XKR4: variants seen among roughly 807,000 people sequenced by gnomAD.
XKR4 encodes XK related 4.
In XKR4, 12 loss-of-function variants were observed where a neutral mutation model predicts 53.9. That is an observed-to-expected ratio of 0.22 (90% confidence interval 0.14 to 0.36). XKR4 has a LOEUF of 0.36. Ranked by LOEUF, XKR4 falls within the 10% of genes least tolerant of loss-of-function variation. The pLI, the probability that XKR4 is intolerant of heterozygous loss-of-function variation, is 1.00. For missense variants in XKR4, 799 were observed against 859.5 expected (o/e 0.93, Z 0.88); for synonymous variants, 354 against 362.4 (o/e 0.98, Z 0.26).
chr8:55,449,748 G>A (rs1805402265), intron 2 of XKR4: 1 of 993,500 alleles, frequency 1.0e-6, no homozygotes, highest in Non-Finnish European at 1.6e-6. Context: ...TAGCGTAGCT[G>A]GTGCTTGGTC....
intron 1 of XKR4, among the ~76,000 whole-genome samples, chr8:55,103,851 GTATA>G (rs60831330): frequency 0.15 from 15,721 of 105,518 alleles, 1,452 homozygotes; most frequent in Middle Eastern, 0.19. Context: ...AAATGACTTT[GTATA>G]TATATATATA....
At chr8:55,250,497 A>G (rs1818348969) in intron 1 of XKR4, among the ~76,000 whole-genome samples, 1 of 152,144 alleles carries the variant, frequency 6.6e-6, no homozygotes, top group Admixed American at 6.6e-5. Context: ...GCTTTTCTCT[A>G]AGGGAGCTGG....
chr8:55,152,998 C>G (rs935846118), intron 1 of XKR4, among the ~76,000 whole-genome samples: 5 of 152,128 alleles, frequency 3.3e-5, no homozygotes, highest in African/African-American at 1.2e-4. Context: ...AATGGAGAAG[C>G]ACTAGAGGCC....
chr8:55,433,915 C>A (rs1001245525), intron 2 of XKR4, among the ~76,000 whole-genome samples: 1 of 152,048 alleles, frequency 6.6e-6, no homozygotes, highest in African/African-American at 2.4e-5. Context: ...GCTTGTAGTC[C>A]GAGCTACTCA....
Position 55,537,003 on chromosome 8 carries a change from G to T in XKR4, c.*12776G>T, listed in dbSNP as rs1807040111. The T allele has an allele frequency of 6.6e-6, 1 of 152,142 alleles. No individual in the cohort carries two copies. Among genetic ancestry groups the T allele is most frequent in the African/African-American group, 2.4e-5 (1 of 41,426 alleles). 9.4% of individuals were successfully genotyped at this position (152,142 alleles called of 1,614,324 possible). On this transcript the variant is annotated 3_prime_UTR_variant, in exon 3 of 3. Coordinates refer to ENST00000327381, the MANE Select transcript of XKR4 (RefSeq NM_052898.2). ...AGTTTTAATTTTAAGCATTCCTTAT[G>T]ATATTTTTTAAGCCTAAAAACCATT...
At chr8:55,449,652 T>A in intron 2 of XKR4, 1 of 943,162 alleles carries the variant, frequency 1.1e-6, no homozygotes, top group Non-Finnish European at 1.8e-6. Context: ...GCACCCATGG[T>A]GGCCATGCCA....
chr8:55,182,340 G>T (rs1167165667), intron 1 of XKR4, among the ~76,000 whole-genome samples: 2 of 151,670 alleles, frequency 1.3e-5, no homozygotes, highest in African/African-American at 4.8e-5. Context: ...TTACACTTTG[G>T]TGCATTTCTT....
chr8:55,469,030 G>T (rs1224894707), intron 2 of XKR4, among the ~76,000 whole-genome samples: 1 of 151,920 alleles, frequency 6.6e-6, no homozygotes, highest in Non-Finnish European at 1.5e-5. Flanking sequence ...TGGTATGCAG[G>T]CATGAAAAAA....
intron 2 of XKR4, chr8:55,453,779 T>C: frequency 2.4e-6 from 1 of 409,510 alleles, no homozygotes; most frequent in Non-Finnish European, 4.7e-6. Flanking sequence ...TACCAGTTCT[T>C]GGATGTGATG....
At chr8:55,392,345 C>A (rs182586898) in intron 2 of XKR4, among the ~76,000 whole-genome samples, 2 of 151,988 alleles carry the variant, frequency 1.3e-5, no homozygotes, top group African/African-American at 2.4e-5. Flanking sequence ...AAAGAGGCTA[C>A]CAAAGACTCA....
chr8:55,493,571 G>T (rs1806300756), intron 2 of XKR4, among the ~76,000 whole-genome samples: 1 of 152,238 alleles, frequency 6.6e-6, no homozygotes, highest in African/African-American at 2.4e-5. Flanking sequence ...GAGTATAAAA[G>T]AGCAAGTATG....
At chr8:55,171,137 C>T (rs564606328) in intron 1 of XKR4, among the ~76,000 whole-genome samples, 2 of 152,166 alleles carry the variant, frequency 1.3e-5, no homozygotes, top group East Asian at 1.9e-4. Context: ...CACACTGTAC[C>T]GTGAAGAAGA....
intron 1 of XKR4, among the ~76,000 whole-genome samples, chr8:55,308,712 A>C (rs1586002549): frequency 6.6e-6 from 1 of 152,244 alleles, no homozygotes; most frequent in Non-Finnish European, 1.5e-5. Flanking sequence ...CTGAATGTTC[A>C]TAGTGGCTTT....
Position 55,102,374 on chromosome 8 carries a change from G to A in XKR4, c.-115G>A, listed in dbSNP as rs1816055549. The A allele has an allele frequency of 7.8e-7, 1 of 1,275,602 alleles. No individual in the cohort carries two copies. The highest frequency in any genetic ancestry group is 1.0e-6 in the Non-Finnish European group (1 of 993,964). 79.0% of individuals were successfully genotyped at this position (1,275,602 alleles called of 1,614,324 possible). A position where few individuals can be genotyped will look rare whatever the true frequency, so the allele number is the denominator to read the frequency against. On this transcript the variant is annotated 5_prime_UTR_variant, in exon 1 of 3. Transcript: ENST00000327381. This position sits in a 1 kb window ranked among gnomAD's most constrained non-coding sequence, Gnocchi z 5.1. ...CGAGCCGACGCAGGAGCAGGAGGAG[G>A]GGGAGCCGCACCGCCTGGGAGGGAA...
At chr8:55,264,633 A>C (rs1412046235) in intron 1 of XKR4, among the ~76,000 whole-genome samples, 1 of 152,244 alleles carries the variant, frequency 6.6e-6, no homozygotes, top group East Asian at 1.9e-4. Context: ...AATTTTAACT[A>C]AGAAATCATG....
chr8:55,465,311 A>G (rs993113296), intron 2 of XKR4, among the ~76,000 whole-genome samples: 1 of 152,134 alleles, frequency 6.6e-6, no homozygotes, highest in African/African-American at 2.4e-5. Context: ...GGAACATAAC[A>G]GAGTCCCAGA....
At chr8:55,161,436 A>G in intron 1 of XKR4, 1 of 425,402 alleles carries the variant, frequency 2.4e-6, no homozygotes, top group Admixed American at 2.7e-5. Flanking sequence ...CTGAGGTCCC[A>G]AGGGAAACTA....
intron 1 of XKR4, among the ~76,000 whole-genome samples, chr8:55,307,797 G>T (rs111816977): frequency 0.032 from 4,931 of 152,304 alleles, 101 homozygotes; most frequent in Middle Eastern, 0.055. Flanking sequence ...AACAGTGACA[G>T]CAGCAGTTGC....
chr8:55,272,775 C>T (rs997789211), intron 1 of XKR4: 4 of 375,126 alleles, frequency 1.1e-5, no homozygotes, highest in Non-Finnish European at 2.1e-5. Context: ...TGTTTAGCTA[C>T]CATTGTGGCA....
Sources: gnomAD v4.1 joint callset for allele counts (sites outside exome capture counted in the v4.1 genomes callset) on GRCh38, gnomAD v4.1.1 for gene constraint, Gnocchi (gnomAD v3.1) non-coding constraint, MANE v1.5 for transcripts, NCBI Gene and HGNC (gene_info 2026-07-23, HGNC 2026-07-21) for gene names.